The following MACROD1 variants were observed in gnomAD, a reference collection of about 807,000 sequenced individuals.
The protein encoded by MACROD1 is mono-ADP ribosylhydrolase 1, also known as ADP-ribose glycohydrolase MACROD1.
In MACROD1, 31 loss-of-function variants were observed where a neutral mutation model predicts 41.4. The ratio of observed to expected loss-of-function variants is 0.75; its 90% CI spans 0.56 to 1.01. MACROD1 has a LOEUF of 1.01. MACROD1 is among the 50% of genes least tolerant of loss of function. The pLI, the probability that MACROD1 is intolerant of heterozygous loss-of-function variation, is 0.00. For synonymous variants in MACROD1, 252 were observed against 203.4 expected, an observed-to-expected ratio of 1.24 and a Z score of -2.03; for missense variants, 473 against 460.0, an observed-to-expected ratio of 1.03 and a Z score of -0.26.
chr11:64,106,226 G>A (rs1338274843), intron 3 of MACROD1, among the ~76,000 whole-genome samples: 1 of 152,174 alleles, frequency 6.6e-6, no homozygotes, highest in Non-Finnish European at 1.5e-5. Context: ...TCTGCCATCT[G>A]CTGCACAATC....
intron 1 of MACROD1, among the ~76,000 whole-genome samples, chr11:64,159,898 C>T (rs781011633): frequency 1.6e-4 from 24 of 152,326 alleles, no homozygotes; most frequent in Admixed American, 7.2e-4. Context: ...CTGAAAGTCT[C>T]CCAGCCAGGA....
At chr11:64,077,478 C>G (rs1275064711) in intron 3 of MACROD1, among the ~76,000 whole-genome samples, 1 of 152,178 alleles carries the variant, frequency 6.6e-6, no homozygotes, top group South Asian at 2.1e-4. Context: ...TGCCTCAGGA[C>G]CCAGGTACTG....
At chr11:64,113,827 G>T (rs1244757793) in intron 3 of MACROD1, among the ~76,000 whole-genome samples, 1 of 149,572 alleles carries the variant, frequency 6.7e-6, no homozygotes, top group Admixed American at 6.7e-5. Flanking sequence ...TGGACGCATG[G>T]ATGGATGGAT....
At chr11:64,150,381 G>A (rs572425197) in intron 3 of MACROD1, among the ~76,000 whole-genome samples, 29 of 152,232 alleles carry the variant, frequency 1.9e-4, no homozygotes, top group Non-Finnish European at 4.0e-4. Flanking sequence ...ACAGGTTAGG[G>A]AGGGGCTGGC....
At chr11:63,998,919 G>A (rs1359456601) in intron 9 of MACROD1, 36 bp downstream of exon 9, 2 of 1,549,792 alleles carry the variant, frequency 1.3e-6, no homozygotes, top group East Asian at 2.3e-5. Context: ...GTGGACCGGG[G>A]CAGGGGCGGG....
intron 1 of MACROD1, among the ~76,000 whole-genome samples, chr11:64,163,448 C>T (rs909877356): frequency 2.0e-5 from 3 of 152,298 alleles, no homozygotes; most frequent in South Asian, 2.1e-4. Context: ...GGAGAGACTT[C>T]GAAGACGAGG....
At chr11:64,104,096 G>C (rs1944717003) in intron 3 of MACROD1, 1 of 152,336 alleles carries the variant, frequency 6.6e-6, no homozygotes, top group South Asian at 2.1e-4. Flanking sequence ...GGTGTCCTGA[G>C]TCGCGGCTTC....
At chr11:64,021,875 CAAG>C (rs929860235) in intron 3 of MACROD1, among the ~76,000 whole-genome samples, 101 of 147,504 alleles carry the variant, frequency 6.8e-4, no homozygotes, top group Non-Finnish European at 1.4e-3. Context: ...TCAACTTGCA[CAAG>C]AATCCCTGTG....
chr11:64,126,222 C>T (rs645461), intron 3 of MACROD1, among the ~76,000 whole-genome samples: 90,194 of 152,090 alleles, frequency 0.59, 27,002 homozygotes, highest in East Asian at 0.65. Context: ...CAAAGTGAGC[C>T]GCCAGGGGGT....
chr11:64,010,209 GT>G lies in MACROD1; in HGVS notation c.547+5042del, dbSNP rs745711469. On this transcript the variant is annotated intron_variant, in intron 4 of 10. Transcript: ENST00000255681. Reference sequence around the variant, plus strand: ...GGCTGGGGTGTTGGTTGGCATATTGGTTGGGGTGTTGCCCAGAGTGTTAGCT... The same window carrying G: ...GGCTGGGGTGTTGGTTGGCATATTGGTGGGGTGTTGCCCAGAGTGTTAGCT... 2.7e-3 allele frequency among the ~76,000 whole-genome samples: 405 copies of G among 150,318 alleles called. 2 individuals are homozygous for G. Among genetic ancestry groups the G allele is most frequent in the Non-Finnish European group, 3.9e-3 (260 of 67,258 alleles).
chr11:64,047,636 C>A (rs1297769898), intron 3 of MACROD1, among the ~76,000 whole-genome samples: 1 of 152,116 alleles, frequency 6.6e-6, no homozygotes, highest in Non-Finnish European at 1.5e-5. Flanking sequence ...GTGGCTTATG[C>A]TTGTAATCCC....
At chr11:64,026,053 C>A (rs989769314) in intron 3 of MACROD1, among the ~76,000 whole-genome samples, 1 of 152,072 alleles carries the variant, frequency 6.6e-6, no homozygotes, top group African/African-American at 2.4e-5. Context: ...TGGTGGTGCG[C>A]GCCGGTAATC....
chr11:64,022,315 A>ATT (rs1943168646), intron 3 of MACROD1, among the ~76,000 whole-genome samples: 1 of 152,000 alleles, frequency 6.6e-6, no homozygotes. Context: ...GGGGATAGCA[A>ATT]GCCTCCTTGG....
rs758076426 is a variant in MACROD1 at position 64,116,255 on chromosome 11, C to T, written c.517+34984G>A. 6 of 1,590,130 alleles carry T rather than the reference C, an allele frequency of 3.8e-6. No individual in the cohort carries two copies. In the African/African-American group the frequency reaches 6.7e-5, roughly 18 times the overall value. On this transcript the variant is annotated intron_variant, in intron 3 of 10. Transcript: ENST00000255681. ...CCAGGCCAGGTGGGGCCGGACGCCC[C>T]CAGCCATCCACCATGGTGGTGGCAC...
intron 3 of MACROD1, among the ~76,000 whole-genome samples, chr11:64,097,258 G>T (rs937336750): frequency 1.3e-5 from 2 of 152,242 alleles, no homozygotes; most frequent in Non-Finnish European, 2.9e-5. Flanking sequence ...AGGTAGGGAG[G>T]GGCAGGTGGC....
At chr11:64,015,222 C>A in intron 4 of MACROD1, 30 bp downstream of exon 4, 2 of 1,577,630 alleles carry the variant, frequency 1.3e-6, no homozygotes, top group Non-Finnish European at 1.7e-6. Flanking sequence ...TGCCACACCC[C>A]ACCCCCACCA....
At chr11:64,025,721 C>CT (rs35346247) in intron 3 of MACROD1, among the ~76,000 whole-genome samples, 69,041 of 142,912 alleles carry the variant, frequency 0.48, 16,943 homozygotes, top group South Asian at 0.64. Context: ...CCCCCCGCTC[C>CT]TTTTTTTTTT....
chr11:64,084,844 G>T (rs1184037132), intron 3 of MACROD1, among the ~76,000 whole-genome samples: 2 of 152,206 alleles, frequency 1.3e-5, no homozygotes, highest in East Asian at 3.9e-4. Flanking sequence ...CCCCGGCCCG[G>T]GAGGGGCGCA....
At chr11:64,045,633 G>A (rs1217234301) in intron 3 of MACROD1, among the ~76,000 whole-genome samples, 1 of 152,178 alleles carries the variant, frequency 6.6e-6, no homozygotes, top group Non-Finnish European at 1.5e-5. Context: ...CGTCCTGAGG[G>A]TACAGATTGG....
Sources: allele counts gnomAD v4.1 joint callset (sites outside exome capture counted in the v4.1 genomes callset), GRCh38; gene constraint gnomAD v4.1.1; transcripts MANE v1.5; gene names NCBI Gene and HGNC (gene_info 2026-07-23, HGNC 2026-07-21).